Variants in SDHAF4 observed in about 807,000 individuals in gnomAD.
SDHAF4 encodes succinate dehydrogenase assembly factor 4, mitochondrial.
Under a neutral mutation model 14.3 loss-of-function variants are expected in SDHAF4, and 14 were observed. The ratio of observed to expected loss-of-function variants is 0.98; its 90% CI spans 0.65 to 1.53. The LOEUF (loss-of-function observed/expected upper bound fraction) is 1.53. Ranked by LOEUF, SDHAF4 falls within the 40% of genes most tolerant of loss-of-function variation. The pLI is 0.00. For missense variants in SDHAF4, 141 were observed against 129.3 expected, an observed-to-expected ratio of 1.09 and a Z score of -0.44; for synonymous variants, 63 against 47.3, an observed-to-expected ratio of 1.33 and a Z score of -1.36.
At chr6:70,571,828 T>C (rs958465384) in intron 1 of SDHAF4, among the ~76,000 whole-genome samples, 2 of 152,188 alleles carry the variant, frequency 1.3e-5, no homozygotes, top group African/African-American at 4.8e-5. Flanking sequence ...GTTATTATTA[T>C]ATTTATCAGG....
chr6:70,580,064 TAAATAAC>T (rs1304130721), intron 2 of SDHAF4, among the ~76,000 whole-genome samples: 1 of 150,928 alleles, frequency 6.6e-6, no homozygotes, highest in African/African-American at 2.5e-5. Context: ...GTATGATAAA[TAAATAAC>T]AAATATATGT....
At chr6:70,595,700 G>A in the SDHAF4 span, among the ~76,000 whole-genome samples, 1 of 152,080 alleles carries the variant, frequency 6.6e-6, no homozygotes, top group South Asian at 2.1e-4. Flanking sequence ...GCTGGGCGCG[G>A]TGGCGCACGC....
At chr6:70,597,062 G>C in the SDHAF4 span, 1 of 152,172 alleles carries the variant, frequency 6.6e-6, no homozygotes, top group Non-Finnish European at 1.5e-5. Flanking sequence ...TCACTGAATT[G>C]ATTCATTTAT....
chr6:70,573,628 T>G (rs971239080), intron 1 of SDHAF4, among the ~76,000 whole-genome samples: 1 of 151,594 alleles, frequency 6.6e-6, no homozygotes, highest in African/African-American at 2.4e-5. Flanking sequence ...TTTTCTTTCT[T>G]TTTTTTGGCC....
At chr6:70,591,334 A>ATTTTT (rs76350573), downstream of SDHAF4, among the ~76,000 whole-genome samples, 7 of 101,276 alleles carry the variant, frequency 6.9e-5, no homozygotes, top group Admixed American at 9.9e-5. Context: ...GAGAGGAAAG[A>ATTTTT]TTTTTTTTTT....
downstream of SDHAF4, among the ~76,000 whole-genome samples, chr6:70,593,262 G>A (rs935504047): frequency 1.3e-5 from 2 of 152,250 alleles, no homozygotes; most frequent in African/African-American, 4.8e-5. Flanking sequence ...CAGGCACACA[G>A]CAAGAGCTGT....
At chr6:70,585,802 G>A (rs1006287699) in intron 2 of SDHAF4, among the ~76,000 whole-genome samples, 2 of 150,472 alleles carry the variant, frequency 1.3e-5, no homozygotes, top group Middle Eastern at 7.0e-3. Context: ...AAATTTTCAC[G>A]GTAAATTCTG....
At chr6:70,567,098 C>A in intron 1 of SDHAF4, 94 bp downstream of exon 1, 1 of 1,286,536 alleles carries the variant, frequency 7.8e-7, no homozygotes, top group Non-Finnish European at 1.1e-6. Context: ...CCGCGTGTGT[C>A]CTGGCCGTTC....
downstream of SDHAF4, among the ~76,000 whole-genome samples, chr6:70,592,845 G>C (rs9455180): frequency 0.41 from 62,092 of 152,050 alleles, 13,347 homozygotes; most frequent in African/African-American, 0.52. Context: ...TATGACCAAG[G>C]CACTGTTTGC....
chr6:70,592,788 CAT>C (rs998583908), downstream of SDHAF4, among the ~76,000 whole-genome samples: 2 of 152,138 alleles, frequency 1.3e-5, no homozygotes, highest in African/African-American at 4.8e-5. Context: ...TAAGCCTAGA[CAT>C]GTGGTAGAGA....
Position 70,576,235 on chromosome 6 carries a change from A to G in SDHAF4, c.65-3179A>G, listed in dbSNP as rs563726311. Among the ~76,000 whole-genome samples the G allele has an allele frequency of 2.6e-5, 4 of 152,372 alleles. No individual in the cohort carries two copies. In the East Asian group the frequency reaches 7.7e-4, roughly 29 times the overall value. ...CTTGTACTGTACAGAAATGAGGGGC[A>G]TTATCTTCCCCCGTGTTCTGTCACA... On this transcript the variant is annotated intron_variant, in intron 1 of 2. Transcript: ENST00000370474.
chr6:70,578,011 G>A (rs1802277622), intron 1 of SDHAF4, among the ~76,000 whole-genome samples: 4 of 152,300 alleles, frequency 2.6e-5, no homozygotes, highest in South Asian at 4.1e-4. Context: ...TTGCTATTGT[G>A]AATAGTGCTG....
intron 1 of SDHAF4, among the ~76,000 whole-genome samples, chr6:70,577,064 C>T (rs1413036991): frequency 6.6e-6 from 1 of 152,202 alleles, no homozygotes; most frequent in African/African-American, 2.4e-5. Context: ...TGCCCACATT[C>T]CTTGGCTTGC....
At chr6:70,579,137 A>G (rs1334238108) in intron 1 of SDHAF4, among the ~76,000 whole-genome samples, 1 of 152,176 alleles carries the variant, frequency 6.6e-6, no homozygotes, top group East Asian at 1.9e-4. Context: ...GTTTTTTGGC[A>G]TTGCTTCAGA....
chr6:70,566,960 C>A lies in SDHAF4; in HGVS notation c.20C>A (p.Pro7His), dbSNP rs747850967. Residue 7 changes from proline to histidine, a missense_variant, in exon 1 of 3, where the codon CCC becomes CAC. By Grantham distance (77) the Pro-to-His change is moderately conservative. Transcript: ENST00000370474. MTPSRLPWLLSWVSATA... is the reference protein window; with the variant it reads MTPSRLHWLLSWVSATA... Reference sequence around the variant, plus strand: ...GGCGCCATGACCCCATCGAGGCTTCCCTGGTTGCTTAGCTGGGTCTCGGCC... The same window carrying A: ...GGCGCCATGACCCCATCGAGGCTTCACTGGTTGCTTAGCTGGGTCTCGGCC... 23 of 1,591,782 alleles carry A rather than the reference C, an allele frequency of 1.4e-5. No homozygotes were observed. Among genetic ancestry groups the A allele is most frequent in the South Asian group, 3.4e-5 (3 of 87,302 alleles).
chr6:70,593,902 C>T (rs1765280173), downstream of SDHAF4, among the ~76,000 whole-genome samples: 1 of 152,080 alleles, frequency 6.6e-6, no homozygotes, highest in African/African-American at 2.4e-5. Flanking sequence ...ACCATGTTGG[C>T]CAGGCTGGTC....
intron 2 of SDHAF4, 81 bp downstream of exon 2, chr6:70,579,647 G>T (rs1218884071): frequency 4.9e-6 from 6 of 1,214,876 alleles, no homozygotes; most frequent in Admixed American, 2.7e-5. Context: ...TGAAAGGAAA[G>T]AAATTTGTTA....
chr6:70,579,403 C>T lies in SDHAF4; in HGVS notation c.65-11C>T, dbSNP rs775738930. On this transcript the variant is annotated splice_polypyrimidine_tract_variant and intron_variant, in intron 1 of 2. Transcript: ENST00000370474. ...ACAGCTCCTATTTTTCTATTATCTC[C>T]ACTCTTCTAGGATCACCCCTTCTGT... 1.3e-6 allele frequency: 2 copies of T among 1,481,868 alleles called. No homozygotes were observed. Among genetic ancestry groups the T allele is most frequent in the South Asian group, 1.5e-5 (1 of 66,394 alleles). 91.8% of individuals were successfully genotyped at this position (1,481,868 alleles called of 1,614,324 possible).
chr6:70,595,332 A>G, the SDHAF4 span, among the ~76,000 whole-genome samples: 62 of 152,316 alleles, frequency 4.1e-4, no homozygotes, highest in African/African-American at 1.5e-3. Flanking sequence ...GTGCAATATT[A>G]CTTGAGAAGA....
Sources: allele counts gnomAD v4.1 joint callset (sites outside exome capture counted in the v4.1 genomes callset), GRCh38; gene constraint gnomAD v4.1.1; transcripts MANE v1.5; gene names NCBI Gene and HGNC (gene_info 2026-07-23, HGNC 2026-07-21).